SLC67A1: variants seen among roughly 807,000 people sequenced by gnomAD.
The protein encoded by SLC67A1 is solute carrier family 67 member A1.
At chr11:2,902,826 G>T in the SLC67A1 span, 3 of 785,294 alleles carry the variant, frequency 3.8e-6, no homozygotes, top group Non-Finnish European at 4.6e-6. Context: ...GGGGAAGGTA[G>T]ACCTTCCCTG....
At chr11:2,916,780 A>G in the SLC67A1 span, 2 of 1,567,536 alleles carry the variant, frequency 1.3e-6, no homozygotes, top group Admixed American at 3.3e-5. Flanking sequence ...ATGCTGGGGC[A>G]ATGGAAGGCA....
the SLC67A1 span, chr11:2,918,020 G>A: frequency 6.2e-7 from 1 of 1,613,558 alleles, no homozygotes; most frequent in Middle Eastern, 1.7e-4. Context: ...CGACCTGAAG[G>A]CCATCGCCTC....
chr11:2,918,680 C>G, the SLC67A1 span, among the ~76,000 whole-genome samples: 5 of 151,208 alleles, frequency 3.3e-5, no homozygotes, highest in South Asian at 1.1e-3. Context: ...AACTGGAACC[C>G]AAGTTACTAA....
chr11:2,917,483 C>T, the SLC67A1 span, among the ~76,000 whole-genome samples: 1 of 152,154 alleles, frequency 6.6e-6, no homozygotes, highest in Non-Finnish European at 1.5e-5. Context: ...CTCGGTGAGC[C>T]GGGCTGGGGG....
chr11:2,903,539 G>C, the SLC67A1 span: 2 of 1,602,104 alleles, frequency 1.2e-6, no homozygotes, highest in Non-Finnish European at 1.7e-6. Flanking sequence ...CTGAACCGCT[G>C]TTCCTCCTGC....
chr11:2,909,209 C>G, the SLC67A1 span: 2 of 1,536,132 alleles, frequency 1.3e-6, no homozygotes, highest in Non-Finnish European at 1.7e-6. Context: ...CGCAGACCAG[C>G]GCGGGGCGCG....
At chr11:2,916,824 C>T in the SLC67A1 span, 6 of 1,205,768 alleles carry the variant, frequency 5.0e-6, no homozygotes, top group South Asian at 2.6e-5. Flanking sequence ...CCAAGGGGTA[C>T]GGGGGGCCTG....
At chr11:2,907,289 C>G in the SLC67A1 span, among the ~76,000 whole-genome samples, 3 of 152,170 alleles carry the variant, frequency 2.0e-5, no homozygotes, top group Admixed American at 2.0e-4. The surrounding 1 kb of genome is among the most constrained non-coding windows in gnomAD (Gnocchi z 6.7). Context: ...CTTAGAGCAA[C>G]AGAAGCCTAT....
the SLC67A1 span, chr11:2,919,839 C>T: frequency 8.1e-4 from 134 of 166,280 alleles, no homozygotes; most frequent in Admixed American, 2.3e-3. Context: ...TCAGAGGCCA[C>T]GCTGTCATGG....
the SLC67A1 span, chr11:2,916,604 C>A: frequency 6.3e-7 from 1 of 1,599,668 alleles, no homozygotes; most frequent in Non-Finnish European, 8.5e-7. Flanking sequence ...CCTGTGCAGC[C>A]GAGGCTGTTG....
the SLC67A1 span, among the ~76,000 whole-genome samples, chr11:2,908,952 G>C: frequency 6.6e-6 from 1 of 152,224 alleles, no homozygotes; most frequent in African/African-American, 2.4e-5. Context: ...ACACGGAGTT[G>C]GTCTTTGCCC....
chr11:2,910,659 G>A, the SLC67A1 span, among the ~76,000 whole-genome samples: 2 of 152,172 alleles, frequency 1.3e-5, no homozygotes, highest in South Asian at 2.1e-4. Context: ...GCCGAGGTGG[G>A]GGAGGACAGT....
chr11:2,899,897 C>T, the SLC67A1 span: 12 of 579,528 alleles, frequency 2.1e-5, no homozygotes, highest in African/African-American at 1.9e-4. Flanking sequence ...CTCATCCCAT[C>T]TCCTCCTGCC....
chr11:2,915,892 G>A, the SLC67A1 span, among the ~76,000 whole-genome samples: 356 of 152,356 alleles, frequency 2.3e-3, 2 homozygotes, highest in African/African-American at 7.8e-3. Context: ...AAGACCTGCC[G>A]ATTCCTTCCA....
the SLC67A1 span, chr11:2,925,067 C>T: frequency 6.8e-6 from 11 of 1,613,622 alleles, no homozygotes; most frequent in South Asian, 3.3e-5. This position sits in a 1 kb window ranked among gnomAD's most constrained non-coding sequence, Gnocchi z 6.5. Context: ...CTGGGACCCA[C>T]GGTCGGCGGC....
At chr11:2,924,863 G>T in the SLC67A1 span, 1 of 661,152 alleles carries the variant, frequency 1.5e-6, no homozygotes, top group Non-Finnish European at 2.5e-6. This position sits in a 1 kb window ranked among gnomAD's most constrained non-coding sequence, Gnocchi z 8.6. Flanking sequence ...GTGTTCAGGG[G>T]AGTATTTCAC....
chr11:2,919,063 C>T, the SLC67A1 span: 4 of 535,654 alleles, frequency 7.5e-6, no homozygotes, highest in Middle Eastern at 4.9e-4. Context: ...CCCTCCCTTC[C>T]AGCACCTTCC....
At chr11:2,908,950 T>C in the SLC67A1 span, among the ~76,000 whole-genome samples, 9 of 152,150 alleles carry the variant, frequency 5.9e-5, no homozygotes, top group Admixed American at 2.6e-4. Flanking sequence ...TTACACGGAG[T>C]TGGTCTTTGC....
chr11:2,925,228 TC>T, the SLC67A1 span: 17 of 1,591,698 alleles, frequency 1.1e-5, no homozygotes, highest in East Asian at 3.8e-4. The surrounding 1 kb of genome is among the most constrained non-coding windows in gnomAD (Gnocchi z 6.5). Flanking sequence ...GGCAATAAAC[TC>T]CTACTAAATC....
Sources: allele counts gnomAD v4.1 joint callset (sites outside exome capture counted in the v4.1 genomes callset), GRCh38; gene constraint gnomAD v4.1.1; non-coding constraint Gnocchi (gnomAD v3.1); transcripts MANE v1.5; gene names NCBI Gene and HGNC (gene_info 2026-07-23, HGNC 2026-07-21).